The following KIF1B variants were observed in gnomAD, a reference collection of about 807,000 sequenced individuals.
KIF1B encodes kinesin family member 1B, also known as kinesin-like protein KIF1B.
Under a neutral mutation model 241.9 loss-of-function variants are expected in KIF1B, and 76 were observed. That is an observed-to-expected ratio of 0.31 (90% confidence interval 0.26 to 0.38). The LOEUF (loss-of-function observed/expected upper bound fraction) is 0.38. KIF1B is among the 10% of genes least tolerant of loss of function. KIF1B has a pLI of 1.00. For missense variants in KIF1B, 1,622 were observed against 2,271.4 expected (o/e 0.71, Z 5.81); for synonymous variants, 750 against 796.7 (o/e 0.94, Z 0.99).
In KIF1B at chr1:10,365,200, C is replaced by G; in HGVS notation, c.4467C>G (p.Ile1489Met). The change falls in exon 42 of 49, where the codon ATC becomes ATG. Residue 1489 changes from isoleucine (I) to methionine (M), a missense_variant. Physicochemically the swap from Ile to Met is conservative, Grantham distance 10. Around this residue, in one of 7 missense-constraint regions of KIF1B, gnomAD observed 357 missense variants for 409.0 expected, o/e 0.87. Transcript: ENST00000676179. The surrounding 1 kb of genome is among the most constrained non-coding windows in gnomAD (Gnocchi z 4.0). ...GGCGGCCCCGTGGAGACAGCCTCAT[C>G]CTTGAGCACCAGTGGGAGCTGGAGA... ...AGWRPRGDSL[I>M]LEHQWELEKL... is the part of the protein sequence containing the mutation. 6.2e-7 allele frequency: 1 copy of G among 1,614,020 alleles called. No individual in the cohort carries two copies. The highest frequency in any genetic ancestry group is 1.1e-5 in the South Asian group (1 of 91,068).
intron 2 of KIF1B, among the ~76,000 whole-genome samples, chr1:10,237,408 T>G (rs1279253240): frequency 6.6e-6 from 1 of 152,178 alleles, no homozygotes; most frequent in Non-Finnish European, 1.5e-5. Context: ...ATAAAATTGG[T>G]TTTCACTTAT....
At chr1:10,267,743 G>A (rs1475153842) in intron 6 of KIF1B, among the ~76,000 whole-genome samples, 185 bp downstream of exon 6, 4 of 152,146 alleles carry the variant, frequency 2.6e-5, no homozygotes, top group Non-Finnish European at 5.9e-5. Context: ...CATCTAAACA[G>A]TACATTGCTG....
intron 32 of KIF1B, among the ~76,000 whole-genome samples, chr1:10,340,616 G>T (rs1021355575): frequency 6.6e-6 from 1 of 152,178 alleles, no homozygotes; most frequent in East Asian, 1.9e-4. Context: ...GGCCGAGGCA[G>T]GTGGATCACT....
At chr1:10,275,230 TA>T (rs1184113892) in intron 10 of KIF1B, among the ~76,000 whole-genome samples, 197 bp from the exon 11 acceptor site, 2 of 152,216 alleles carry the variant, frequency 1.3e-5, no homozygotes, top group Admixed American at 1.3e-4. Flanking sequence ...GTTTTCAAAA[TA>T]AAATGTAAAA....
At chr1:10,263,520 A>G (rs1311669407) in intron 5 of KIF1B, among the ~76,000 whole-genome samples, 3 of 151,982 alleles carry the variant, frequency 2.0e-5, no homozygotes, top group Non-Finnish European at 2.9e-5. Flanking sequence ...GCCTTACAGC[A>G]TTTCATTCCT....
intron 27 of KIF1B, among the ~76,000 whole-genome samples, chr1:10,332,200 G>A (rs921376146): frequency 1.3e-5 from 2 of 151,840 alleles, no homozygotes; most frequent in Admixed American, 6.6e-5. Context: ...CGAGTAGCTG[G>A]GATTATAGGT....
chr1:10,359,002 A>G (rs1413049112), intron 38 of KIF1B, among the ~76,000 whole-genome samples: 13 of 152,192 alleles, frequency 8.5e-5, no homozygotes, highest in Non-Finnish European at 1.5e-5. Flanking sequence ...ACTGCCTCAA[A>G]GACTAGACAT....
chr1:10,215,713 T>G (rs936195632), intron 1 of KIF1B, among the ~76,000 whole-genome samples: 7 of 152,138 alleles, frequency 4.6e-5, no homozygotes, highest in Non-Finnish European at 7.4e-5. Context: ...GCCCAGCTAA[T>G]TTTTAAATTT....
At chr1:10,306,873 A>G in intron 22 of KIF1B, 3 of 1,044,544 alleles carry the variant, frequency 2.9e-6, no homozygotes, top group South Asian at 4.6e-5. Context: ...GGGTAGGTCC[A>G]TATATTTTCA....
chr1:10,276,500 G>A, intron 12 of KIF1B, 101 bp downstream of exon 12: 1 of 787,810 alleles, frequency 1.3e-6, no homozygotes, highest in Non-Finnish European at 2.2e-6. Flanking sequence ...AGTTATTTAT[G>A]TAAATAATGT....
intron 5 of KIF1B, 52 bp from the exon 6 acceptor site, chr1:10,267,328 T>A: frequency 6.4e-7 from 1 of 1,564,254 alleles, no homozygotes. Context: ...GCGCCCGGCT[T>A]CTGTATGTGA....
At position 10,374,592 on chromosome 1, in the gene KIF1B, A is replaced by C; in HGVS notation, c.5096+127A>C. 1 of 1,212,386 alleles carries C rather than the reference A, an allele frequency of 8.2e-7. No individual in the cohort carries two copies. Among genetic ancestry groups the C allele is most frequent in the Non-Finnish European group, 1.2e-6 (1 of 831,368 alleles). 75.1% of individuals were successfully genotyped at this position (1,212,386 alleles called of 1,614,324 possible). A position where few individuals can be genotyped will look rare whatever the true frequency, so the allele number is the denominator to read the frequency against. On this transcript the variant is annotated intron_variant, in intron 46 of 48. Coordinates refer to ENST00000676179, the MANE Select transcript of KIF1B (RefSeq NM_001365951.3). The surrounding 1 kb of genome is among the most constrained non-coding windows in gnomAD (Gnocchi z 4.3). ...GCAATCTGTACTGTAGTCTGATGCA[A>C]GTTGAGTCTGGGGTGAGAGGGCCAG...
At chr1:10,300,820 T>TA (rs1251403404) in intron 22 of KIF1B, among the ~76,000 whole-genome samples, 9 of 152,180 alleles carry the variant, frequency 5.9e-5, no homozygotes, top group African/African-American at 2.2e-4. Context: ...TTTTAAAAAC[T>TA]AAAAATGAAA....
chr1:10,243,269 A>T (rs1003932447), intron 2 of KIF1B, among the ~76,000 whole-genome samples: 9 of 152,124 alleles, frequency 5.9e-5, no homozygotes, highest in African/African-American at 1.7e-4. Context: ...ATACAAAAAA[A>T]TTAGCTGGGC....
intron 18 of KIF1B, 95 bp from the exon 19 acceptor site, chr1:10,295,565 C>A: frequency 8.9e-7 from 1 of 1,127,602 alleles, no homozygotes; most frequent in Non-Finnish European, 1.3e-6. Context: ...CTTTTTTGTA[C>A]GTACCAAAGG....
At chr1:10,289,003 T>C (rs756112466) in intron 15 of KIF1B, among the ~76,000 whole-genome samples, 3 of 152,240 alleles carry the variant, frequency 2.0e-5, no homozygotes, top group Non-Finnish European at 2.9e-5. Flanking sequence ...TAACCTGTTA[T>C]CATATGAATC....
chr1:10,287,403 G>A (rs1048484085), intron 15 of KIF1B, among the ~76,000 whole-genome samples: 3 of 152,126 alleles, frequency 2.0e-5, no homozygotes, highest in Non-Finnish European at 4.4e-5. Flanking sequence ...CACCATGTGA[G>A]CCAGCTGATC....
At position 10,303,414 on chromosome 1, in the gene KIF1B, T is replaced by C. The variant is rs1650641104; in HGVS notation, c.2115+6168T>C. 6.2e-7 allele frequency: 1 copy of C among 1,614,070 alleles called. No homozygotes were observed. Among genetic ancestry groups the C allele is most frequent in the African/African-American group, 1.3e-5 (1 of 74,916 alleles). The stretch of plus-strand genomic sequence containing the variant: ...TTAAAATTCAGGCTGTCAAAGAGAT[T>C]TGCTATGAGGTTGCTCTCAATGACT... On this transcript the variant is annotated intron_variant, in intron 22 of 48. Transcript: ENST00000676179. The surrounding 1 kb of genome is among the most constrained non-coding windows in gnomAD (Gnocchi z 5.2).
intron 2 of KIF1B, among the ~76,000 whole-genome samples, chr1:10,241,346 C>T (rs1647134438): frequency 6.6e-6 from 1 of 152,064 alleles, no homozygotes; most frequent in Non-Finnish European, 1.5e-5. Context: ...TGAAGGGATC[C>T]TCCTGCCTCA....
Sources: gnomAD v4.1 joint callset for allele counts (sites outside exome capture counted in the v4.1 genomes callset) on GRCh38, gnomAD v4.1.1 for gene constraint, gnomAD v4.1.1 regional missense constraint, Gnocchi (gnomAD v3.1) non-coding constraint, MANE v1.5 for transcripts, NCBI Gene and HGNC (gene_info 2026-07-23, HGNC 2026-07-21) for gene names.